The following DENND1A variants were observed in gnomAD, a reference collection of about 807,000 sequenced individuals.
DENND1A encodes DENN domain containing 1A.
Under a neutral mutation model 113.7 loss-of-function variants are expected in DENND1A, and 51 were observed. That is an observed-to-expected ratio of 0.45 (90% confidence interval 0.36 to 0.57). The LOEUF (loss-of-function observed/expected upper bound fraction) is 0.57. DENND1A is among the 20% of genes least tolerant of loss of function. The probability of loss-of-function intolerance (pLI) is 0.00; values close to 1 mark genes in which losing one functional copy is unlikely to be tolerated. For missense variants in DENND1A, 1,258 were observed against 1,395.9 expected (o/e 0.90, Z 1.57); for synonymous variants, 565 against 570.8 (o/e 0.99, Z 0.14).
intron 5 of DENND1A, among the ~76,000 whole-genome samples, chr9:123,682,160 T>G (rs1165955385): frequency 6.6e-6 from 1 of 152,210 alleles, no homozygotes; most frequent in Non-Finnish European, 1.5e-5. Context: ...AAACAAAATC[T>G]TAATGTAATC....
At chr9:123,460,244 C>T (rs183373490) in intron 13 of DENND1A, among the ~76,000 whole-genome samples, 13 of 152,344 alleles carry the variant, frequency 8.5e-5, no homozygotes, top group Admixed American at 2.0e-4. Context: ...TTACATCTTC[C>T]TTGCTCAACA....
At chr9:123,757,372 C>G (rs1350101951) in intron 5 of DENND1A, among the ~76,000 whole-genome samples, 1 of 152,128 alleles carries the variant, frequency 6.6e-6, no homozygotes, top group African/African-American at 2.4e-5. Context: ...ACAAAATGTC[C>G]AAGAGAAAGT....
chr9:123,565,665 G>A lies in DENND1A; in HGVS notation c.868-7970C>T, dbSNP rs563835559. Among the ~76,000 whole-genome samples the A allele has an allele frequency of 2.0e-5, 3 of 152,242 alleles. No individual in the cohort carries two copies. In the South Asian group the frequency reaches 6.2e-4, roughly 32 times the overall value. On this transcript the variant is annotated intron_variant, in intron 12 of 23. Coordinates refer to ENST00000394215, the MANE Select transcript of DENND1A (RefSeq NM_001352964.2). ...TGTGTGCGTCTGGAGAGGGGAGAAA[G>A]GATTAGTGACTTGTTTTCCCATCCT...
intron 9 of DENND1A, among the ~76,000 whole-genome samples, chr9:123,636,310 ATC>A (rs1402354771): frequency 6.7e-6 from 1 of 149,326 alleles, no homozygotes; most frequent in Non-Finnish European, 1.5e-5. Flanking sequence ...CCAAGACCAC[ATC>A]TGATTCCTCT....
At chr9:123,740,266 T>A (rs1209914851) in intron 5 of DENND1A, among the ~76,000 whole-genome samples, 1 of 152,224 alleles carries the variant, frequency 6.6e-6, no homozygotes, top group Non-Finnish European at 1.5e-5. Context: ...GTTCTGAGAT[T>A]ATCTTTTTGT....
At chr9:123,634,464 C>T (rs2061615479) in intron 9 of DENND1A, among the ~76,000 whole-genome samples, 3 of 152,172 alleles carry the variant, frequency 2.0e-5, no homozygotes, top group Admixed American at 1.3e-4. Context: ...AGAAATAATG[C>T]ACTCTGTTCT....
chr9:123,756,277 C>T (rs1466762786), intron 5 of DENND1A, among the ~76,000 whole-genome samples: 1 of 152,148 alleles, frequency 6.6e-6, no homozygotes, highest in African/African-American at 2.4e-5. Context: ...TACCAGTACC[C>T]TTAAACCCAT....
At chr9:123,431,294 CT>C (rs2046116385) in intron 19 of DENND1A, among the ~76,000 whole-genome samples, 1 of 152,104 alleles carries the variant, frequency 6.6e-6, no homozygotes, top group African/African-American at 2.4e-5. Context: ...TCCAACATGC[CT>C]TTGGGGTCTA....
chr9:123,845,215 G>A (rs1484183878), intron 2 of DENND1A, among the ~76,000 whole-genome samples: 2 of 151,180 alleles, frequency 1.3e-5, no homozygotes, highest in African/African-American at 2.4e-5. Context: ...GCAAGGCTGT[G>A]TCTCCAAAAA....
chr9:123,795,886 T>C (rs948097760), intron 2 of DENND1A, among the ~76,000 whole-genome samples: 1 of 152,198 alleles, frequency 6.6e-6, no homozygotes, highest in Non-Finnish European at 1.5e-5. Flanking sequence ...GCTTAGGCGA[T>C]TGGCAGTAAG....
At chr9:123,590,790 T>G (rs1358870640) in intron 11 of DENND1A, among the ~76,000 whole-genome samples, 1 of 152,164 alleles carries the variant, frequency 6.6e-6, no homozygotes, top group Non-Finnish European at 1.5e-5. Flanking sequence ...AGTGGATGGG[T>G]TGTGATCAGT....
chr9:123,484,492 T>G (rs369581545), intron 13 of DENND1A, among the ~76,000 whole-genome samples: 1 of 152,146 alleles, frequency 6.6e-6, no homozygotes, highest in East Asian at 1.9e-4. Context: ...TGACCTGCTA[T>G]GTACTGGGTG....
chr9:123,525,634 C>T (rs938001431), intron 13 of DENND1A, among the ~76,000 whole-genome samples: 1 of 152,142 alleles, frequency 6.6e-6, no homozygotes, highest in Non-Finnish European at 1.5e-5. Context: ...GAACACACTC[C>T]AAACACAGTA....
chr9:123,389,786 C>T (rs1564404457), intron 21 of DENND1A, among the ~76,000 whole-genome samples: 1 of 152,252 alleles, frequency 6.6e-6, no homozygotes, highest in African/African-American at 2.4e-5. Context: ...CTCTGCAGCA[C>T]TGACTGCTCT....
intron 5 of DENND1A, among the ~76,000 whole-genome samples, chr9:123,736,873 T>C (rs545123138): frequency 1.1e-4 from 16 of 152,328 alleles, no homozygotes; most frequent in East Asian, 1.9e-4. Context: ...TGGCAGTACA[T>C]ACAGGACTTG....
chr9:123,646,997 C>T (rs1198579074), intron 9 of DENND1A, among the ~76,000 whole-genome samples: 1 of 152,036 alleles, frequency 6.6e-6, no homozygotes, highest in Non-Finnish European at 1.5e-5. Context: ...AATCATTTTC[C>T]CTTAGAAGGT....
intron 13 of DENND1A, among the ~76,000 whole-genome samples, chr9:123,463,987 G>T (rs1458016773): frequency 1.3e-5 from 2 of 151,914 alleles, no homozygotes; most frequent in African/African-American, 4.8e-5. Context: ...ATACCTAGGT[G>T]ATGGGTTGAT....
chr9:123,653,397 G>A (rs1221891982), intron 8 of DENND1A, among the ~76,000 whole-genome samples: 2 of 152,136 alleles, frequency 1.3e-5, no homozygotes, highest in Admixed American at 6.5e-5. Flanking sequence ...TCTGGGAGAG[G>A]TCAGCAACTG....
Position 123,495,115 on chromosome 9 carries a change from A to C in DENND1A, c.994-37218T>G, listed in dbSNP as rs377166164. ...CCTTTTGTACTTCTCTTGTATGTCT[A>C]TCTATTATGACCCATCATTGTCTCT... On this transcript the variant is annotated intron_variant, in intron 13 of 23. Transcript: ENST00000394215. Among the ~76,000 whole-genome samples, 3 of 128,668 alleles carry C rather than the reference A, an allele frequency of 2.3e-5. 1 individual carries two copies. Among genetic ancestry groups the C allele is most frequent in the South Asian group, 5.2e-4 (2 of 3,854 alleles). The allele number at this position is 128,668 out of a possible 152,430, so 84.4% of individuals were successfully genotyped here. A position where few individuals can be genotyped will look rare whatever the true frequency, so the allele number is the denominator to read the frequency against.
Sources: gnomAD v4.1 joint callset for allele counts (sites outside exome capture counted in the v4.1 genomes callset) on GRCh38, gnomAD v4.1.1 for gene constraint, MANE v1.5 for transcripts, NCBI Gene and HGNC (gene_info 2026-07-23, HGNC 2026-07-21) for gene names.